HIF1A: variants seen among roughly 807,000 people sequenced by gnomAD.
HIF1A encodes the protein hypoxia-inducible factor 1-alpha.
A neutral mutation model predicts 92.7 loss-of-function variants in HIF1A; 24 were observed. The observed-to-expected ratio is 0.26, with a 90% CI of 0.19 to 0.36. The LOEUF is 0.36. Ranked by LOEUF, HIF1A falls within the 10% of genes least tolerant of loss-of-function variation. HIF1A has a pLI of 1.00. For synonymous variants in HIF1A, 319 were observed against 338.7 expected, an observed-to-expected ratio of 0.94 and a Z score of 0.64; for missense variants, 799 against 998.5, an observed-to-expected ratio of 0.80 and a Z score of 2.69.
At chr14:61,744,563 TTAGTGATCAGGAAAGTTATCTTATG>T (rs1405483503) in intron 12 of HIF1A, 117 bp from the exon 13 acceptor site, 1 of 436,444 alleles carries the variant, frequency 2.3e-6, no homozygotes, top group Non-Finnish European at 4.1e-6. Flanking sequence ...ATGATAAACT[TTAGTGATCAGGAAAGTTATCTTATG>T]TATATTATAT....
intron 2 of HIF1A, among the ~76,000 whole-genome samples, 198 bp downstream of exon 2, chr14:61,720,770 A>G (rs2044417264): frequency 6.6e-6 from 1 of 152,132 alleles, no homozygotes; most frequent in South Asian, 2.1e-4. Context: ...TATTCTTTGA[A>G]ATAATCATTC....
At chr14:61,704,709 A>G (rs2044217643) in intron 1 of HIF1A, among the ~76,000 whole-genome samples, 1 of 152,184 alleles carries the variant, frequency 6.6e-6, no homozygotes, top group African/African-American at 2.4e-5. Flanking sequence ...GGTTCAAAAA[A>G]TTTCTTCAAC....
intron 8 of HIF1A, 34 bp from the exon 9 acceptor site, chr14:61,736,855 A>G (rs953213236): frequency 2.0e-6 from 3 of 1,467,346 alleles, no homozygotes; most frequent in African/African-American, 1.4e-5. Flanking sequence ...TCAAGTGCTC[A>G]TTTGTGAATT....
chr14:61,736,196 T>C (rs1177826563), intron 8 of HIF1A, among the ~76,000 whole-genome samples: 1 of 152,054 alleles, frequency 6.6e-6, no homozygotes, highest in Non-Finnish European at 1.5e-5. Context: ...GCCAGGCTCT[T>C]GAACTCCCAG....
intron 6 of HIF1A, among the ~76,000 whole-genome samples, chr14:61,731,982 C>T (rs188642783): frequency 6.6e-5 from 10 of 152,150 alleles, no homozygotes; most frequent in Admixed American, 6.5e-4. Flanking sequence ...ACTAAAAATA[C>T]AAAATTAGCT....
At chr14:61,718,646 A>T (rs1283880954) in intron 1 of HIF1A, among the ~76,000 whole-genome samples, 1 of 152,236 alleles carries the variant, frequency 6.6e-6, no homozygotes, top group African/African-American at 2.4e-5. Flanking sequence ...AAAAAATTAC[A>T]GACTGCTGGC....
intron 1 of HIF1A, among the ~76,000 whole-genome samples, chr14:61,718,728 A>G (rs752806628): frequency 1.3e-4 from 20 of 152,220 alleles, no homozygotes; most frequent in Admixed American, 2.6e-4. Context: ...CCTAGTTCAT[A>G]TAACTAGTTA....
chr14:61,716,103 G>A (rs1372589713), intron 1 of HIF1A, among the ~76,000 whole-genome samples: 1 of 152,010 alleles, frequency 6.6e-6, no homozygotes, highest in Non-Finnish European at 1.5e-5. Context: ...AGAAGTGCAG[G>A]GCAGTTAAAA....
In HIF1A at chr14:61,737,080, C is replaced by T. The variant is rs1234257243; in HGVS notation, c.1220C>T (p.Thr407Ile). ...TTGCTGGCCCCAGCCGCTGGAGACACAATCATATCTTTAGATTTTGGCAGC... is the reference window on the plus strand; with the variant it reads ...TTGCTGGCCCCAGCCGCTGGAGACATAATCATATCTTTAGATTTTGGCAGC... Reference protein sequence around the residue: ...LTLLAPAAGDTIISLDFGSND... With the variant: ...LTLLAPAAGDIIISLDFGSND... The change falls in exon 9 of 15, where the codon ACA becomes ATA. Residue 407 changes from threonine (T) to isoleucine (I), a missense_variant. By Grantham distance (89) the Thr-to-Ile change is moderately conservative (BLOSUM62 -1). This residue lies in a region of HIF1A where 516 missense variants were observed against 721.0 expected (regional missense o/e 0.72). Coordinates refer to ENST00000337138, the MANE Select transcript of HIF1A (RefSeq NM_001530.4). The T allele has an allele frequency of 1.2e-5, 20 of 1,614,118 alleles. No individual in the cohort carries two copies. Among genetic ancestry groups the T allele is most frequent in the Admixed American group, 8.3e-5 (5 of 60,024 alleles).
chr14:61,696,672 T>C (rs1451974207), intron 1 of HIF1A, among the ~76,000 whole-genome samples: 1 of 152,140 alleles, frequency 6.6e-6, no homozygotes, highest in Non-Finnish European at 1.5e-5. Context: ...ATTCTTCAAA[T>C]AATGAAAATG....
intron 1 of HIF1A, among the ~76,000 whole-genome samples, chr14:61,708,992 G>A (rs2044277035): frequency 6.6e-6 from 1 of 152,142 alleles, no homozygotes. Flanking sequence ...CCATCTCCCA[G>A]GTTCAGTTGA....
In HIF1A at chr14:61,736,925, A is replaced by G. The variant is rs202183359; in HGVS notation, c.1065A>G (p.Gln355=). 5 of 1,613,998 alleles carry G rather than the reference A, an allele frequency of 3.1e-6. No homozygotes were observed. The highest frequency in any genetic ancestry group is 1.7e-4 in the Middle Eastern group (1 of 6,060). Residue 355 remains glutamine, a synonymous_variant, in exon 9 of 15, where the codon CAA becomes CAG. Coordinates refer to ENST00000337138, the MANE Select transcript of HIF1A (RefSeq NM_001530.4). ...IIQHDLIFSL[Q]QTECVLKPVE... is the part of the protein sequence containing the mutation. ...AGCACGACTTGATTTTCTCCCTTCAACAAACAGAATGTGTCCTTAAACCGG... is the reference window on the plus strand; with the variant it reads ...AGCACGACTTGATTTTCTCCCTTCAGCAAACAGAATGTGTCCTTAAACCGG...
intron 4 of HIF1A, among the ~76,000 whole-genome samples, chr14:61,722,363 C>T (rs145105007): frequency 2.8e-4 from 42 of 152,318 alleles, no homozygotes; most frequent in African/African-American, 9.9e-4. Context: ...GTTGGGATTA[C>T]AGGCATGAGC....
intron 5 of HIF1A, 57 bp from the exon 6 acceptor site, chr14:61,727,396 T>G (rs879179358): frequency 1.7e-5 from 22 of 1,331,038 alleles, no homozygotes; most frequent in Middle Eastern, 3.6e-4. Context: ...TATCTCTGCT[T>G]TTTTTTTCCC....
intron 1 of HIF1A, among the ~76,000 whole-genome samples, chr14:61,702,987 A>G (rs2044194484): frequency 6.6e-6 from 1 of 152,224 alleles, no homozygotes; most frequent in Middle Eastern, 3.2e-3. Context: ...AAATTAGATA[A>G]TATTAATGTT....
intron 1 of HIF1A, among the ~76,000 whole-genome samples, chr14:61,698,176 C>T (rs766795771): frequency 5.3e-5 from 8 of 152,206 alleles, no homozygotes; most frequent in Non-Finnish European, 1.0e-4. Flanking sequence ...AATAGATATT[C>T]CTTAATTTCC....
chr14:61,703,880 A>T (rs2044206071), intron 1 of HIF1A, among the ~76,000 whole-genome samples: 1 of 152,198 alleles, frequency 6.6e-6, no homozygotes, highest in Non-Finnish European at 1.5e-5. Context: ...GTTTTCTACC[A>T]AGTGTAGTCA....
chr14:61,731,883 T>C (rs2044579955), intron 6 of HIF1A, among the ~76,000 whole-genome samples: 1 of 152,232 alleles, frequency 6.6e-6, no homozygotes, highest in Non-Finnish European at 1.5e-5. Context: ...ATGCCTGTAA[T>C]CCCAGTACTT....
Position 61,706,662 on chromosome 14 carries a change from CCTGAGTGT to C in HIF1A, c.35+10826_35+10833del, listed in dbSNP as rs540585642. Among the ~76,000 whole-genome samples, 29 of 152,260 alleles carry C rather than the reference CCTGAGTGT, an allele frequency of 1.9e-4. 1 individual carries two copies. In the South Asian group the frequency reaches 6.0e-3, roughly 32 times the overall value. On this transcript the variant is annotated intron_variant, in intron 1 of 14. Transcript: ENST00000337138. ...TTCTCAAACTTCTGTGGTTAAATCA[CCTGAGTGT>C]CTAGTTGCTCTATGGATTCCCAGGG...
Sources: gnomAD v4.1 joint callset for allele counts (sites outside exome capture counted in the v4.1 genomes callset) on GRCh38, gnomAD v4.1.1 for gene constraint, gnomAD v4.1.1 regional missense constraint, MANE v1.5 for transcripts, NCBI Gene and HGNC (gene_info 2026-07-23, HGNC 2026-07-21) for gene names.